Variants in RLF observed in about 807,000 individuals in gnomAD.
RLF encodes the protein zinc finger protein Rlf.
RLF carries 7 observed loss-of-function variants against 162.9 expected under a neutral mutation model. That is an observed-to-expected ratio of 0.04 (90% confidence interval 0.02 to 0.08). The LOEUF (loss-of-function observed/expected upper bound fraction) is 0.08. Ranked by LOEUF, RLF falls within the 10% of genes least tolerant of loss-of-function variation. The pLI is 1.00. For missense variants in RLF, 1,664 were observed against 2,244.7 expected, an observed-to-expected ratio of 0.74 and a Z score of 5.23; for synonymous variants, 782 against 791.5, an observed-to-expected ratio of 0.99 and a Z score of 0.20.
At chr1:40,170,387 C>T (rs1642226704) in intron 1 of RLF, among the ~76,000 whole-genome samples, 1 of 152,090 alleles carries the variant, frequency 6.6e-6, no homozygotes, top group South Asian at 2.1e-4. Context: ...CCCAGCCTCT[C>T]TAGTAGCTGG....
At chr1:40,197,186 C>T (rs376313141) in intron 4 of RLF, among the ~76,000 whole-genome samples, 1 of 151,998 alleles carries the variant, frequency 6.6e-6, no homozygotes, top group East Asian at 1.9e-4. Context: ...TCTCTTGATC[C>T]GTTTCCTCTG....
At position 40,240,015 on chromosome 1, in the gene RLF, T is replaced by C. The variant is rs764720273; in HGVS notation, c.5313T>C (p.Ser1771=). 1 of 1,613,970 alleles carries C rather than the reference T, an allele frequency of 6.2e-7. No homozygotes were observed. The highest frequency in any genetic ancestry group is 8.5e-7 in the Non-Finnish European group (1 of 1,180,026). The change falls in exon 8 of 8, where the codon TCT becomes TCC. Residue 1771 remains serine, a synonymous_variant. Transcript: ENST00000372771. ...CTTACAAACCTATGGGATTTGAATC[T>C]TCATTTCTGAAATTTATTCAGGAAA... ...LKTYKPMGFE[S]SFLKFIQESE... is the part of the protein sequence containing the mutation.
intron 1 of RLF, among the ~76,000 whole-genome samples, chr1:40,180,892 T>C (rs1309821423): frequency 6.6e-6 from 1 of 152,232 alleles, no homozygotes; most frequent in Non-Finnish European, 1.5e-5. Flanking sequence ...TTTTTAATTT[T>C]GATGAAGTCC....
chr1:40,239,722 T>C lies in RLF; in HGVS notation c.5020T>C (p.Cys1674Arg), dbSNP rs1161819528. The change falls in exon 8 of 8, where the codon TGT becomes CGT. Residue 1674 changes from cysteine to arginine, a missense_variant. Transcript: ENST00000372771. ...DTLLYRGTLKCNHSSKTTSLE... is the reference protein window; with the variant it reads ...DTLLYRGTLKRNHSSKTTSLE... Reference sequence around the variant, plus strand: ...TCTGCTCTACAGGGGAACTTTGAAATGTAATCATAGTTCCAAAACCACTTC... The same window carrying C: ...TCTGCTCTACAGGGGAACTTTGAAACGTAATCATAGTTCCAAAACCACTTC... 1 of 1,614,112 alleles carries C rather than the reference T, an allele frequency of 6.2e-7. No homozygotes were observed. Among genetic ancestry groups the C allele is most frequent in the Non-Finnish European group, 8.5e-7 (1 of 1,179,986 alleles).
intron 1 of RLF, among the ~76,000 whole-genome samples, chr1:40,184,574 G>A (rs1642446867): frequency 6.6e-6 from 1 of 152,172 alleles, no homozygotes; most frequent in Non-Finnish European, 1.5e-5. Context: ...GATTTGAATA[G>A]GACATCCAGA....
intron 1 of RLF, among the ~76,000 whole-genome samples, chr1:40,165,965 T>A (rs1284630852): frequency 6.6e-6 from 1 of 152,188 alleles, no homozygotes; most frequent in African/African-American, 2.4e-5. Context: ...CCTTTCCCCA[T>A]CTACCTATTT....
intron 1 of RLF, among the ~76,000 whole-genome samples, chr1:40,175,262 G>GCATAAAA (rs1462938143): frequency 6.6e-6 from 1 of 152,008 alleles, no homozygotes; most frequent in African/African-American, 2.4e-5. Flanking sequence ...CAGTAAATGT[G>GCATAAAA]CATAAAACAT....
intron 1 of RLF, among the ~76,000 whole-genome samples, chr1:40,162,693 C>T (rs758725049): frequency 1.3e-5 from 2 of 152,154 alleles, no homozygotes; most frequent in Admixed American, 6.5e-5. Context: ...TGCTTTTCTT[C>T]CCTCTCTCTG....
chr1:40,203,641 T>C (rs1642749617), intron 5 of RLF, among the ~76,000 whole-genome samples: 1 of 152,156 alleles, frequency 6.6e-6, no homozygotes, highest in Non-Finnish European at 1.5e-5. Flanking sequence ...ACTTCTCTAA[T>C]GGTTTTTGAC....
At chr1:40,208,957 TAC>T (rs1249228913) in intron 5 of RLF, among the ~76,000 whole-genome samples, 1 of 152,234 alleles carries the variant, frequency 6.6e-6, no homozygotes, top group African/African-American at 2.4e-5. Flanking sequence ...TTTGCTTTTA[TAC>T]ATATTAATCT....
At position 40,182,776 on chromosome 1, in the gene RLF, GATA is replaced by G. The variant is rs1642423259; in HGVS notation, c.238-6278_238-6276del. Among the ~76,000 whole-genome samples the G allele has an allele frequency of 2.6e-5, 4 of 152,130 alleles. No homozygotes were observed. In the South Asian group the frequency reaches 6.2e-4, roughly 24 times the overall value. The stretch of plus-strand genomic sequence containing the variant: ...AGGTAGATAGATAGATAGATAGATA[GATA>G]GATAGATAGATAGAGTAATAAGTTA... On this transcript the variant is annotated intron_variant, in intron 1 of 7. Transcript: ENST00000372771.
intron 1 of RLF, among the ~76,000 whole-genome samples, chr1:40,164,608 GTCTT>G (rs1045179851): frequency 8.5e-5 from 13 of 152,204 alleles, no homozygotes; most frequent in African/African-American, 1.9e-4. Flanking sequence ...TTAGAAAACA[GTCTT>G]TCTTTGTTTT....
chr1:40,185,843 CAAA>C (rs33982008), intron 1 of RLF, among the ~76,000 whole-genome samples: 7,383 of 67,644 alleles, frequency 0.11, 436 homozygotes, highest in African/African-American at 0.22. Flanking sequence ...AAAAAAAAAG[CAAA>C]AAAAAAAAAA....
intron 6 of RLF, among the ~76,000 whole-genome samples, chr1:40,228,255 G>A (rs1040787149): frequency 1.6e-4 from 24 of 146,774 alleles, no homozygotes; most frequent in African/African-American, 5.3e-4. Context: ...CACTGCATTC[G>A]AGCCTGGGCA....
Position 40,189,091 on chromosome 1 carries a change from G to C in RLF, c.274G>C (p.Glu92Gln). The change falls in exon 2 of 8, where the codon GAA becomes CAA. Residue 92 changes from glutamate to glutamine, a missense_variant. Glu to Gln is a conservative substitution (Grantham distance 29, BLOSUM62 2). This residue lies in a region of RLF where 134 missense variants were observed against 124.3 expected (regional missense o/e 1.08). Coordinates refer to ENST00000372771, the MANE Select transcript of RLF (RefSeq NM_012421.4). ...LQYASNKNAS[E>Q]HIVYLLEVYR... ...ATATGCAAGCAACAAGAATGCATCA[G>C]AACATATTGTGTATCTTCTGGAGGT... 6.2e-7 allele frequency: 1 copy of C among 1,611,820 alleles called. No individual in the cohort carries two copies. The highest frequency in any genetic ancestry group is 2.2e-5 in the East Asian group (1 of 44,846).
chr1:40,231,611 A>C lies in RLF; in HGVS notation c.1042A>C (p.Lys348Gln). ...ERCRQFGVIA[K>Q]TQQHLFCLIR... ...CTGTCGTCAGTTTGGTGTCATAGCT[A>C]AAACGCAGCAGCATTTATTTTGCCT... The change falls in exon 7 of 8, where the codon AAA (lysine) becomes CAA (glutamine). Residue 348 changes from lysine (K) to glutamine (Q), a missense_variant. Physicochemically the swap from Lys to Gln is moderately conservative, Grantham distance 53. Transcript: ENST00000372771. 1 of 1,614,042 alleles carries C rather than the reference A, an allele frequency of 6.2e-7. No homozygotes were observed. The highest frequency in any genetic ancestry group is 8.5e-7 in the Non-Finnish European group (1 of 1,179,976).
Position 40,240,716 on chromosome 1 carries a change from T to C in RLF, c.*269T>C, listed in dbSNP as rs1296544293. On this transcript the variant is annotated 3_prime_UTR_variant, in exon 8 of 8. Transcript: ENST00000372771. Reference sequence around the variant, plus strand: ...TGGTGCTAATTAATACATCAAAATATACTGGGGCTTCCTTTTTCAAATTAA... The same window carrying C: ...TGGTGCTAATTAATACATCAAAATACACTGGGGCTTCCTTTTTCAAATTAA... The C allele has an allele frequency of 2.8e-6, 1 of 357,768 alleles. No homozygotes were observed. 22.2% of individuals were successfully genotyped at this position (357,768 alleles called of 1,614,324 possible).
At chr1:40,180,228 C>T (rs964310370) in intron 1 of RLF, among the ~76,000 whole-genome samples, 1 of 152,082 alleles carries the variant, frequency 6.6e-6, no homozygotes, top group African/African-American at 2.4e-5. Context: ...TATTTCTCCA[C>T]ACCCTTGCTA....
chr1:40,166,770 C>T (rs868295317), intron 1 of RLF, among the ~76,000 whole-genome samples: 3 of 149,056 alleles, frequency 2.0e-5, no homozygotes, highest in Admixed American at 6.8e-5. Context: ...AACCAAACAC[C>T]GCACGTTCTC....
Sources: gnomAD v4.1 joint callset for allele counts (sites outside exome capture counted in the v4.1 genomes callset) on GRCh38, gnomAD v4.1.1 for gene constraint, gnomAD v4.1.1 regional missense constraint, MANE v1.5 for transcripts, NCBI Gene and HGNC (gene_info 2026-07-23, HGNC 2026-07-21) for gene names.